AGPAT4: variants seen among roughly 807,000 people sequenced by gnomAD.
AGPAT4 encodes 1-acyl-sn-glycerol-3-phosphate acyltransferase delta.
In AGPAT4, 15 loss-of-function variants were observed where a neutral mutation model predicts 48.0. That is an observed-to-expected ratio of 0.31 (90% CI 0.21 to 0.48). AGPAT4 has a LOEUF of 0.48. AGPAT4 is among the 20% of genes least tolerant of loss of function. The probability of loss-of-function intolerance (pLI) is 0.99; values close to 1 mark genes in which losing one functional copy is unlikely to be tolerated. For synonymous variants in AGPAT4, 178 were observed against 198.7 expected (o/e 0.90, Z 0.88); for missense variants, 314 against 482.5 (o/e 0.65, Z 3.27).
chr6:161,137,379 C>T lies in AGPAT4; in HGVS notation c.1043-745G>A, dbSNP rs555748912. On this transcript the variant is annotated intron_variant, in intron 8 of 8. Transcript: ENST00000320285. The surrounding 1 kb of genome is among the most constrained non-coding windows in gnomAD (Gnocchi z 6.1). The stretch of plus-strand genomic sequence containing the variant: ...TAATACATGCTTAAGAATGGATAGA[C>T]GAATAAGTGAATGAAATCCCCCAAA... Among the ~76,000 whole-genome samples the T allele has an allele frequency of 4.6e-5, 7 of 152,246 alleles. No individual in the cohort carries two copies. The highest frequency in any genetic ancestry group is 2.6e-4 in the Admixed American group (4 of 15,302).
In AGPAT4 at chr6:161,232,247, C is replaced by T. The variant is rs1250754163; in HGVS notation, c.-34G>A. On this transcript the variant is annotated 5_prime_UTR_variant, in exon 2 of 9. Transcript: ENST00000320285. The surrounding 1 kb of genome is among the most constrained non-coding windows in gnomAD (Gnocchi z 6.8). ...GACGCTCTTATTCAGAAATAAATAA[C>T]TACCCACAGTCAAAGATTTCCAGAA... 6.3e-7 allele frequency: 1 copy of T among 1,587,280 alleles called. No individual in the cohort carries two copies. The highest frequency in any genetic ancestry group is 8.6e-7 in the Non-Finnish European group (1 of 1,163,226).
At chr6:161,150,937 AC>A (rs1256486465) in intron 5 of AGPAT4, among the ~76,000 whole-genome samples, 1 of 152,166 alleles carries the variant, frequency 6.6e-6, no homozygotes, top group Admixed American at 6.5e-5. Flanking sequence ...TCACACAGGG[AC>A]CCATGCAGAC....
In AGPAT4 at chr6:161,166,157, G is replaced by T; in HGVS notation, c.348+91C>A. The T allele has an allele frequency of 6.7e-7, 1 of 1,491,038 alleles. No homozygotes were observed. The highest frequency in any genetic ancestry group is 9.1e-7 in the Non-Finnish European group (1 of 1,093,720). 92.4% of individuals were successfully genotyped at this position (1,491,038 alleles called of 1,614,324 possible). ...AAGTAGAAACTCTGTTGATTCTTCTGCAAGTTCTGAATGACCAGGAGCAAA... is the reference window on the plus strand; with the variant it reads ...AAGTAGAAACTCTGTTGATTCTTCTTCAAGTTCTGAATGACCAGGAGCAAA... On this transcript the variant is annotated intron_variant, in intron 3 of 8. Transcript: ENST00000320285. The surrounding 1 kb of genome is among the most constrained non-coding windows in gnomAD (Gnocchi z 6.7).
Position 161,169,109 on chromosome 6 carries a change from G to A in AGPAT4, c.179-2692C>T, listed in dbSNP as rs572634595. Among the ~76,000 whole-genome samples, 3 of 152,340 alleles carry A rather than the reference G, an allele frequency of 2.0e-5. No homozygotes were observed. Among genetic ancestry groups the A allele is most frequent in the African/African-American group, 7.2e-5 (3 of 41,582 alleles). On this transcript the variant is annotated intron_variant, in intron 2 of 8. Coordinates refer to ENST00000320285, the MANE Select transcript of AGPAT4 (RefSeq NM_020133.3). The surrounding 1 kb of genome is among the most constrained non-coding windows in gnomAD (Gnocchi z 5.0). The stretch of plus-strand genomic sequence containing the variant: ...GGAGAGGAAGGGTGGGGAGGAGACA[G>A]AGGCAGATGGAGAGAAACCCAGAGA...
chr6:161,175,200 T>A (rs1780394816), intron 2 of AGPAT4, among the ~76,000 whole-genome samples: 1 of 152,204 alleles, frequency 6.6e-6, no homozygotes, highest in Non-Finnish European at 1.5e-5. Flanking sequence ...TTTCTATTGA[T>A]TGGAATAGTT....
chr6:161,136,298 T>G lies in AGPAT4; in HGVS notation c.*242A>C. 1 of 460,016 alleles carries G rather than the reference T, an allele frequency of 2.2e-6. No homozygotes were observed. The highest frequency in any genetic ancestry group is 4.0e-6 in the Non-Finnish European group (1 of 248,768). 28.5% of individuals were successfully genotyped at this position (460,016 alleles called of 1,614,324 possible). On this transcript the variant is annotated 3_prime_UTR_variant, in exon 9 of 9. Transcript: ENST00000320285. ...AAAGTTCACACTCACCACACAGCCA[T>G]TCTCACACACACTCGCACAAAAAGA...
At chr6:161,224,012 T>C (rs1042030363) in intron 2 of AGPAT4, among the ~76,000 whole-genome samples, 1 of 152,216 alleles carries the variant, frequency 6.6e-6, no homozygotes, top group African/African-American at 2.4e-5. Flanking sequence ...TTTATTTTTC[T>C]CCCATCTATC....
rs1450585679 is a variant in AGPAT4 at position 161,260,448 on chromosome 6, T to A, written c.-90+13490A>T. On this transcript the variant is annotated intron_variant, in intron 1 of 8. Coordinates refer to ENST00000320285, the MANE Select transcript of AGPAT4 (RefSeq NM_020133.3). ...GCTGAGGCAGGCGGATCACTTGAGGTCAGATGTTTGAGTTCAGCCTGGCCA... is the reference window on the plus strand; with the variant it reads ...GCTGAGGCAGGCGGATCACTTGAGGACAGATGTTTGAGTTCAGCCTGGCCA... Among the ~76,000 whole-genome samples the A allele has an allele frequency of 2.0e-5, 3 of 150,122 alleles. No individual in the cohort carries two copies. The East Asian group carries it at 6.0e-4, about 30-fold the overall frequency.
rs1187124909 is a variant in AGPAT4, at chr6:161,208,426, A to T, written c.178+23610T>A. Reference sequence around the variant, plus strand: ...CTCAATTAAACTCATGTACACACTTATGTATACAAATGCACGCACACACAC... The same window carrying T: ...CTCAATTAAACTCATGTACACACTTTTGTATACAAATGCACGCACACACAC... On this transcript the variant is annotated intron_variant, in intron 2 of 8. Coordinates refer to ENST00000320285, the MANE Select transcript of AGPAT4 (RefSeq NM_020133.3). This position sits in a 1 kb window ranked among gnomAD's most constrained non-coding sequence, Gnocchi z 4.6. 6.6e-6 allele frequency among the ~76,000 whole-genome samples: 1 copy of T among 151,922 alleles called. No individual in the cohort carries two copies. The highest frequency in any genetic ancestry group is 1.5e-5 in the Non-Finnish European group (1 of 68,010).
rs1782210584 is a variant in AGPAT4 at position 161,234,410 on chromosome 6, C to T, written c.-89-2108G>A. On this transcript the variant is annotated intron_variant, in intron 1 of 8. Coordinates refer to ENST00000320285, the MANE Select transcript of AGPAT4 (RefSeq NM_020133.3). The surrounding 1 kb of genome is among the most constrained non-coding windows in gnomAD (Gnocchi z 4.4). Reference sequence around the variant, plus strand: ...GGCACAAATCCAGGCCCTGCAGGGTCTGAATCATCACATCTCTGGCCTTTC... The same window carrying T: ...GGCACAAATCCAGGCCCTGCAGGGTTTGAATCATCACATCTCTGGCCTTTC... Among the ~76,000 whole-genome samples, 1 of 152,116 alleles carries T rather than the reference C, an allele frequency of 6.6e-6. No homozygotes were observed. Among genetic ancestry groups the T allele is most frequent in the African/African-American group, 2.4e-5 (1 of 41,408 alleles).
intron 2 of AGPAT4, among the ~76,000 whole-genome samples, chr6:161,187,062 T>C (rs1780789349): frequency 6.6e-6 from 1 of 152,216 alleles, no homozygotes; most frequent in South Asian, 2.1e-4. Context: ...GCATATTACT[T>C]AACCTTGCTG....
chr6:161,181,057 C>T (rs1035598533), intron 2 of AGPAT4, among the ~76,000 whole-genome samples: 2 of 152,152 alleles, frequency 1.3e-5, no homozygotes, highest in Non-Finnish European at 1.5e-5. Context: ...TGGGCATCAG[C>T]TCTGTGAGAG....
rs1781638264 is a variant in AGPAT4 at position 161,216,051 on chromosome 6, A to T, written c.178+15985T>A. 6.6e-6 allele frequency among the ~76,000 whole-genome samples: 1 copy of T among 152,220 alleles called. No individual in the cohort carries two copies. The highest frequency in any genetic ancestry group is 6.5e-5 in the Admixed American group (1 of 15,286). ...ATGTCCAGTTGACGAGGATTAAAGA[A>T]AACAAACAAAAAATACCTTTCAGCT... On this transcript the variant is annotated intron_variant, in intron 2 of 8. Coordinates refer to ENST00000320285, the MANE Select transcript of AGPAT4 (RefSeq NM_020133.3). The surrounding 1 kb of genome is among the most constrained non-coding windows in gnomAD (Gnocchi z 4.8).
chr6:161,260,745 G>C (rs1379728195), intron 1 of AGPAT4, among the ~76,000 whole-genome samples: 2 of 151,396 alleles, frequency 1.3e-5, no homozygotes, highest in Non-Finnish European at 2.9e-5. Flanking sequence ...ACATTAGCTG[G>C]GTGTGGTGGT....
In AGPAT4 at chr6:161,138,471, T is replaced by C. The variant is rs1779148359; in HGVS notation, c.1042+951A>G. The stretch of plus-strand genomic sequence containing the variant: ...AACTCCACTGATACGGGTTTATAGA[T>C]GCACATATGCTTGAGACTGGAACCA... On this transcript the variant is annotated intron_variant, in intron 8 of 8. Transcript: ENST00000320285. This position sits in a 1 kb window ranked among gnomAD's most constrained non-coding sequence, Gnocchi z 4.8. Among the ~76,000 whole-genome samples the C allele has an allele frequency of 6.6e-6, 1 of 152,178 alleles. No individual in the cohort carries two copies. The highest frequency in any genetic ancestry group is 1.5e-5 in the Non-Finnish European group (1 of 68,038).
intron 1 of AGPAT4, among the ~76,000 whole-genome samples, chr6:161,268,853 A>T (rs1783342605): frequency 6.6e-6 from 1 of 152,300 alleles, no homozygotes; most frequent in South Asian, 2.1e-4. Flanking sequence ...GTTTCATGAC[A>T]TCAGAAAACA....
At position 161,159,798 on chromosome 6, in the gene AGPAT4, C is replaced by T. The variant is rs1311524073; in HGVS notation, c.349-5488G>A. On this transcript the variant is annotated intron_variant, in intron 3 of 8. Coordinates refer to ENST00000320285, the MANE Select transcript of AGPAT4 (RefSeq NM_020133.3). This position sits in a 1 kb window ranked among gnomAD's most constrained non-coding sequence, Gnocchi z 4.1. ...AGCTGGGATTACAGGCACCTGCCAC[C>T]GTGCCTGGCTAATTTTTTGTATTGT... Among the ~76,000 whole-genome samples, 1 of 151,880 alleles carries T rather than the reference C, an allele frequency of 6.6e-6. No homozygotes were observed. Among genetic ancestry groups the T allele is most frequent in the Non-Finnish European group, 1.5e-5 (1 of 67,998 alleles).
rs1334098470 is a variant in AGPAT4, at chr6:161,169,589, G to T, written c.179-3172C>A. On this transcript the variant is annotated intron_variant, in intron 2 of 8. Transcript: ENST00000320285. This position sits in a 1 kb window ranked among gnomAD's most constrained non-coding sequence, Gnocchi z 5.0. ...GGGTTCAAGCAATCCTTCCACCTTG[G>T]CCTCCCAAAGTGCTGGGATTATAGG... 6.6e-6 allele frequency among the ~76,000 whole-genome samples: 1 copy of T among 152,000 alleles called. No individual in the cohort carries two copies. The highest frequency in any genetic ancestry group is 2.4e-5 in the African/African-American group (1 of 41,360).
At position 161,223,244 on chromosome 6, in the gene AGPAT4, G is replaced by A. The variant is rs1013971961; in HGVS notation, c.178+8792C>T. On this transcript the variant is annotated intron_variant, in intron 2 of 8. Coordinates refer to ENST00000320285, the MANE Select transcript of AGPAT4 (RefSeq NM_020133.3). This position sits in a 1 kb window ranked among gnomAD's most constrained non-coding sequence, Gnocchi z 6.3. ...CTGGCCCCCTGGACTGAGCTTGGGT[G>A]CACGTTTGTTAAAGAATGCCTGCTG... 2.0e-5 allele frequency among the ~76,000 whole-genome samples: 3 copies of A among 152,192 alleles called. No homozygotes were observed. The highest frequency in any genetic ancestry group is 7.2e-5 in the African/African-American group (3 of 41,456).
Sources: gnomAD v4.1 joint callset for allele counts (sites outside exome capture counted in the v4.1 genomes callset) on GRCh38, gnomAD v4.1.1 for gene constraint, Gnocchi (gnomAD v3.1) non-coding constraint, MANE v1.5 for transcripts, NCBI Gene and HGNC (gene_info 2026-07-23, HGNC 2026-07-21) for gene names.